Variants in CDC73 observed in about 807,000 individuals in gnomAD.
CDC73 encodes cell division cycle 73.
CDC73 carries 21 observed loss-of-function variants against 83.7 expected under a neutral mutation model. The observed-to-expected ratio is 0.25, with a 90% confidence interval of 0.18 to 0.36. CDC73 has a LOEUF of 0.36. CDC73 is among the 10% of genes least tolerant of loss of function. CDC73 has a pLI of 1.00. For missense variants in CDC73, 342 were observed against 653.3 expected (o/e 0.52, Z 5.19); for synonymous variants, 224 against 212.9 (o/e 1.05, Z -0.45).
chr1:193,204,447 G>A (rs1456414656), intron 11 of CDC73, among the ~76,000 whole-genome samples: 2 of 151,056 alleles, frequency 1.3e-5, no homozygotes, highest in African/African-American at 2.4e-5. Context: ...CTGCCACCAC[G>A]CCCGGCTAAT....
intron 10 of CDC73, among the ~76,000 whole-genome samples, chr1:193,200,343 CTG>C (rs1677071995): frequency 1.3e-5 from 2 of 152,166 alleles, no homozygotes; most frequent in African/African-American, 4.8e-5. Flanking sequence ...ATTACGATAT[CTG>C]TTCCACTTGT....
intron 5 of CDC73, 96 bp downstream of exon 5, chr1:193,135,685 G>A: frequency 9.8e-7 from 1 of 1,023,886 alleles, no homozygotes; most frequent in Non-Finnish European, 1.4e-6. Context: ...AACCTGAGGA[G>A]CTTTTTTTCT....
In CDC73 at chr1:193,159,994, C is replaced by T. The variant is rs140716531; in HGVS notation, c.972+7550C>T. 4.0e-3 allele frequency among the ~76,000 whole-genome samples: 604 copies of T among 152,044 alleles called. 3 individuals carry two copies. Among genetic ancestry groups the T allele is most frequent in the Middle Eastern group, 0.01 (3 of 292 alleles). On this transcript the variant is annotated intron_variant, in intron 10 of 16. Transcript: ENST00000367435. ...TCAGGGAATTTTAATACATATAAAG[C>T]GAATATTATTTTTATGTGGTTTAGT...
At chr1:193,155,217 G>C (rs1274392426) in intron 10 of CDC73, among the ~76,000 whole-genome samples, 1 of 152,160 alleles carries the variant, frequency 6.6e-6, no homozygotes, top group Non-Finnish European at 1.5e-5. Flanking sequence ...AGTTTTTATA[G>C]AAGTAAAGGC....
At chr1:193,249,693 G>C (rs1235330394) in intron 15 of CDC73, 37 bp from the exon 16 acceptor site, 2 of 1,538,022 alleles carry the variant, frequency 1.3e-6, no homozygotes, top group Admixed American at 3.5e-5. Context: ...TTTTTATTTT[G>C]AGTAAAAATG....
chr1:193,215,251 T>C (rs1019283144), intron 13 of CDC73, among the ~76,000 whole-genome samples: 1 of 152,202 alleles, frequency 6.6e-6, no homozygotes, highest in Admixed American at 6.5e-5. Flanking sequence ...TAATAGTGAT[T>C]TTTCATAGTA....
intron 7 of CDC73, among the ~76,000 whole-genome samples, chr1:193,143,275 T>TA (rs1675937752): frequency 6.6e-6 from 1 of 152,206 alleles, no homozygotes; most frequent in Admixed American, 6.5e-5. Flanking sequence ...TTTTGCTATT[T>TA]ACAACAAAAT....
intron 10 of CDC73, among the ~76,000 whole-genome samples, chr1:193,199,295 G>A (rs1357581284): frequency 6.6e-6 from 1 of 152,044 alleles, no homozygotes; most frequent in African/African-American, 2.4e-5. Context: ...GCTGGACATG[G>A]TGGCTCTCTC....
At chr1:193,201,623 G>A (rs1211479075) in intron 10 of CDC73, among the ~76,000 whole-genome samples, 3 of 151,962 alleles carry the variant, frequency 2.0e-5, no homozygotes, top group Non-Finnish European at 4.4e-5. Flanking sequence ...CATCAAACAA[G>A]GATTATTACT....
chr1:193,135,648 T>C lies in CDC73; in HGVS notation c.423+59T>C, dbSNP rs547890731. ...TATTGTTATTGAAATTGGGATTCTT[T>C]AGTAACAAGGATTCTTTGATTGCAG... On this transcript the variant is annotated intron_variant, in intron 5 of 16. Coordinates refer to ENST00000367435, the MANE Select transcript of CDC73 (RefSeq NM_024529.5). The C allele has an allele frequency of 3.8e-4, 516 of 1,360,326 alleles. 5 individuals carry two copies. In the East Asian group the frequency reaches 0.012, roughly 33 times the overall value. The allele number at this position is 1,360,326 out of a possible 1,614,324, so 84.3% of individuals were successfully genotyped here.
chr1:193,241,639 G>A (rs985876313), intron 15 of CDC73, among the ~76,000 whole-genome samples: 3 of 152,178 alleles, frequency 2.0e-5, no homozygotes, highest in Non-Finnish European at 2.9e-5. Flanking sequence ...AGGCCCACAG[G>A]GGGTGTGTGC....
rs1678090271 is a variant in CDC73, at chr1:193,253,972, T to A, written c.*3260T>A. 1 of 222,826 alleles carries A rather than the reference T, an allele frequency of 4.5e-6. No homozygotes were observed. Among genetic ancestry groups the A allele is most frequent in the Non-Finnish European group, 9.0e-6 (1 of 111,654 alleles). 13.8% of individuals were successfully genotyped at this position (222,826 alleles called of 1,614,324 possible). ...TTTGTTGAACTAAAGTATATAAAAT[T>A]TTTTGAGACTAGCAGTATATTTTAT... is the stretch of plus-strand genomic sequence containing the variant. On this transcript the variant is annotated 3_prime_UTR_variant, in exon 17 of 17. Transcript: ENST00000367435.
chr1:193,171,649 C>G (rs1227000812), intron 10 of CDC73, among the ~76,000 whole-genome samples: 1 of 152,256 alleles, frequency 6.6e-6, no homozygotes, highest in South Asian at 2.1e-4. Context: ...GTGTTTCTCT[C>G]TAACTCTTCT....
rs1675465120 is a variant in CDC73, at chr1:193,122,269, C to T, written c.69C>T (p.Asp23=). The T allele has an allele frequency of 4.3e-6, 7 of 1,613,926 alleles. No individual in the cohort carries two copies. The highest frequency in any genetic ancestry group is 2.7e-5 in the African/African-American group (2 of 74,928). The part of the protein sequence containing the change: ...IQKKEIVVKG[D]EVIFGEFSWP... ...AGAAGGAGATTGTGGTGAAGGGAGA[C>T]GAAGTGATCTTCGGGGAGTTCTCCT... The change falls in exon 1 of 17, where the codon GAC becomes GAT. Residue 23 remains aspartate (D), a synonymous_variant. Transcript: ENST00000367435.
At chr1:193,202,731 C>G (rs1048779985) in intron 10 of CDC73, among the ~76,000 whole-genome samples, 18 of 150,784 alleles carry the variant, frequency 1.2e-4, no homozygotes, top group Non-Finnish European at 2.2e-4. Context: ...AGGAATACCA[C>G]TGTATTGAAG....
At chr1:193,124,834 G>A (rs1004657325) in intron 1 of CDC73, among the ~76,000 whole-genome samples, 1 of 152,112 alleles carries the variant, frequency 6.6e-6, no homozygotes, top group Non-Finnish European at 1.5e-5. Flanking sequence ...TTCTCTATTG[G>A]TAAAGCCCAG....
intron 10 of CDC73, among the ~76,000 whole-genome samples, chr1:193,194,278 C>T (rs1195071208): frequency 6.6e-6 from 1 of 152,082 alleles, no homozygotes; most frequent in African/African-American, 2.4e-5. Flanking sequence ...TTGAGGTCAT[C>T]TAAAAATTTA....
intron 13 of CDC73, among the ~76,000 whole-genome samples, chr1:193,221,199 G>A (rs1677463885): frequency 6.6e-6 from 1 of 152,196 alleles, no homozygotes; most frequent in South Asian, 2.1e-4. Flanking sequence ...AAGATTGGAG[G>A]ATGGGGGACT....
intron 11 of CDC73, among the ~76,000 whole-genome samples, chr1:193,211,726 C>T (rs964061418): frequency 5.3e-5 from 8 of 152,110 alleles, no homozygotes; most frequent in Non-Finnish European, 7.3e-5. Flanking sequence ...TCATTATGCT[C>T]CTGAGAAAAA....
Sources: gnomAD v4.1 joint callset for allele counts (sites outside exome capture counted in the v4.1 genomes callset) on GRCh38, gnomAD v4.1.1 for gene constraint, MANE v1.5 for transcripts, NCBI Gene and HGNC (gene_info 2026-07-23, HGNC 2026-07-21) for gene names.